Variants in ARSB observed in about 807,000 individuals in gnomAD.
ARSB encodes arylsulfatase B, also known as N-acetylgalactosamine-4-sulfatase.
A neutral mutation model predicts 50.9 loss-of-function variants in ARSB; 41 were observed. The ratio of observed to expected loss-of-function variants is 0.81; its 90% CI spans 0.63 to 1.04. ARSB has a LOEUF of 1.04. Among genes scored for constraint, ARSB ranks in the 50% least tolerant of loss-of-function variants. The probability of loss-of-function intolerance (pLI) is 0.00; values close to 1 mark genes in which losing one functional copy is unlikely to be tolerated. For synonymous variants in ARSB, 269 were observed against 284.8 expected (o/e 0.94, Z 0.56); for missense variants, 672 against 693.3 (o/e 0.97, Z 0.35).
intron 1 of ARSB, among the ~76,000 whole-genome samples, chr5:78,979,531 A>G (rs908543199): frequency 6.6e-6 from 1 of 152,224 alleles, no homozygotes; most frequent in African/African-American, 2.4e-5. Context: ...ACTGGGGTGG[A>G]GCCACGGAGG....
rs145433056 is a variant in ARSB at position 78,885,679 on chromosome 5, G to A, written c.1047C>T (p.His349=). 1.2e-6 allele frequency: 2 copies of A among 1,614,004 alleles called. No homozygotes were observed. The highest frequency in any genetic ancestry group is 2.7e-5 in the African/African-American group (2 of 74,902). Reference sequence around the variant, plus strand: ...CGAGTGTTGGCAGCCAGTCAGAGATGTGGATGAGCTCCCGGTTCTTCACGC... The same window carrying A: ...CGAGTGTTGGCAGCCAGTCAGAGATATGGATGAGCTCCCGGTTCTTCACGC... ...QKGVKNRELI[H]ISDWLPTLVK... The change falls in exon 5 of 8, where the codon CAC becomes CAT. Residue 349 remains histidine, a synonymous_variant. Coordinates refer to ENST00000264914, the MANE Select transcript of ARSB (RefSeq NM_000046.5).
At chr5:78,847,510 C>A (rs906821050) in intron 5 of ARSB, among the ~76,000 whole-genome samples, 11 of 152,140 alleles carry the variant, frequency 7.2e-5, no homozygotes, top group Admixed American at 5.9e-4. Flanking sequence ...ATTGGGGATA[C>A]TGGCCTAAAG....
intron 4 of ARSB, among the ~76,000 whole-genome samples, chr5:78,919,740 C>T (rs538918220): frequency 1.2e-3 from 190 of 152,278 alleles, no homozygotes; most frequent in Non-Finnish European, 2.3e-3. Context: ...ATCTGCCCGC[C>T]TCGGCCTCCC....
At chr5:78,967,413 A>G (rs991578248) in intron 2 of ARSB, among the ~76,000 whole-genome samples, 1 of 152,072 alleles carries the variant, frequency 6.6e-6, no homozygotes, top group Non-Finnish European at 1.5e-5. Context: ...GGTGGCTCAC[A>G]CCTGTAATCC....
intron 6 of ARSB, among the ~76,000 whole-genome samples, chr5:78,835,832 C>T (rs4703764): frequency 0.35 from 53,300 of 152,016 alleles, 10,165 homozygotes; most frequent in Middle Eastern, 0.42. Context: ...AGGAAACTGA[C>T]GAAGTGGCTT....
intron 6 of ARSB, among the ~76,000 whole-genome samples, chr5:78,819,019 C>T (rs555840423): frequency 8.5e-5 from 13 of 152,268 alleles, no homozygotes; most frequent in East Asian, 5.8e-4. Flanking sequence ...AGTGAATACC[C>T]GTTGAAGGAG....
intron 5 of ARSB, among the ~76,000 whole-genome samples, chr5:78,858,044 G>A (rs1039207891): frequency 6.6e-5 from 10 of 152,164 alleles, no homozygotes; most frequent in African/African-American, 2.4e-4. Flanking sequence ...TCATGTGGTT[G>A]AGCAGGTGAC....
In ARSB at chr5:78,778,519, C is replaced by G. The variant is rs1483516243; in HGVS notation, c.*1878G>C. On this transcript the variant is annotated 3_prime_UTR_variant, in exon 8 of 8. Coordinates refer to ENST00000264914, the MANE Select transcript of ARSB (RefSeq NM_000046.5). ...GGTAGGCACAGTTCCTTTTCTCCCC[C>G]CACTGGAGAGGACGCTACAACCTTG... 2 of 152,274 alleles carry G rather than the reference C, an allele frequency of 1.3e-5. No homozygotes were observed. The highest frequency in any genetic ancestry group is 2.4e-5 in the African/African-American group (1 of 41,546). The allele number at this position is 152,274 out of a possible 1,614,324, so 9.4% of individuals were successfully genotyped here. A position where few individuals can be genotyped will look rare whatever the true frequency, so the allele number is the denominator to read the frequency against.
intron 6 of ARSB, among the ~76,000 whole-genome samples, chr5:78,795,370 G>A (rs1435316332): frequency 6.6e-6 from 1 of 152,200 alleles, no homozygotes; most frequent in Non-Finnish European, 1.5e-5. Flanking sequence ...TACATGTGGG[G>A]AGTGAGGGGG....
chr5:78,945,540 G>A (rs1751184445), intron 4 of ARSB, among the ~76,000 whole-genome samples: 4 of 152,040 alleles, frequency 2.6e-5, no homozygotes. Flanking sequence ...TAAAAGGTCG[G>A]CCTGCTTCCA....
chr5:78,849,425 ATC>A, intron 5 of ARSB, among the ~76,000 whole-genome samples: 1 of 151,836 alleles, frequency 6.6e-6, no homozygotes, highest in Non-Finnish European at 1.5e-5. Flanking sequence ...ATTGATCTAT[ATC>A]TCTGTTTTGG....
intron 4 of ARSB, among the ~76,000 whole-genome samples, chr5:78,930,113 A>G (rs1750253150): frequency 6.6e-6 from 1 of 152,104 alleles, no homozygotes; most frequent in African/African-American, 2.4e-5. Context: ...AGCCTGCTCT[A>G]TTACCTCTGG....
rs973379680 is a variant in ARSB at position 78,780,093 on chromosome 5, C to T, written c.*304G>A. On this transcript the variant is annotated 3_prime_UTR_variant, in exon 8 of 8. Transcript: ENST00000264914. ...AGTCTAAAAGAGCCAGCTGTTCCAG[C>T]CTCCAGGATTCAGTGAGAACTTCCT... 12 of 388,928 alleles carry T rather than the reference C, an allele frequency of 3.1e-5. No homozygotes were observed. The highest frequency in any genetic ancestry group is 1.8e-4 in the African/African-American group (9 of 48,794). The allele number at this position is 388,928 out of a possible 1,614,324, so 24.1% of individuals were successfully genotyped here. A position where few individuals can be genotyped will look rare whatever the true frequency, so the allele number is the denominator to read the frequency against.
At chr5:78,822,698 C>T (rs1744281800) in intron 6 of ARSB, among the ~76,000 whole-genome samples, 3 of 152,120 alleles carry the variant, frequency 2.0e-5, no homozygotes, top group Admixed American at 2.0e-4. Context: ...AGTGCAGTGG[C>T]GTGATCTCGG....
At chr5:78,823,922 A>T (rs998803956) in intron 6 of ARSB, among the ~76,000 whole-genome samples, 6 of 152,348 alleles carry the variant, frequency 3.9e-5, no homozygotes, top group African/African-American at 1.2e-4. Context: ...GTTTCCTCCA[A>T]ATCTCATGTT....
At chr5:78,974,906 T>C (rs916794373) in intron 1 of ARSB, among the ~76,000 whole-genome samples, 40 of 152,316 alleles carry the variant, frequency 2.6e-4, no homozygotes, top group African/African-American at 9.4e-4. Context: ...CTTGTCCCTA[T>C]GGAGCTAATG....
chr5:78,796,927 GA>G (rs1412875831), intron 6 of ARSB, among the ~76,000 whole-genome samples: 1 of 146,748 alleles, frequency 6.8e-6, no homozygotes, highest in Non-Finnish European at 1.5e-5. Context: ...GCCCAGGCTG[GA>G]GTGCAGTGGC....
intron 5 of ARSB, among the ~76,000 whole-genome samples, chr5:78,869,806 C>T (rs1485105070): frequency 2.1e-5 from 3 of 144,538 alleles, no homozygotes; most frequent in African/African-American, 7.6e-5. Context: ...CAAGAAATAA[C>T]TAAAATCAGA....
chr5:78,801,312 A>C (rs1743385983), intron 6 of ARSB, among the ~76,000 whole-genome samples: 1 of 152,212 alleles, frequency 6.6e-6, no homozygotes, highest in Non-Finnish European at 1.5e-5. Flanking sequence ...ATTCTGTATC[A>C]GAGCAGAAAG....
Sources: allele counts gnomAD v4.1 joint callset (sites outside exome capture counted in the v4.1 genomes callset), GRCh38; gene constraint gnomAD v4.1.1; transcripts MANE v1.5; gene names NCBI Gene and HGNC (gene_info 2026-07-23, HGNC 2026-07-21).